The following GRIP1 variants were observed in gnomAD, a reference collection of about 807,000 sequenced individuals.
GRIP1 encodes glutamate receptor interacting protein 1, also known as glutamate receptor-interacting protein 1.
GRIP1 carries 45 observed loss-of-function variants against 129.9 expected under a neutral mutation model. The observed-to-expected ratio is 0.35, with a 90% confidence interval of 0.27 to 0.44. The LOEUF (loss-of-function observed/expected upper bound fraction) is 0.44, where lower values mean the gene tolerates loss of function less well. Ranked by LOEUF, GRIP1 falls within the 20% of genes least tolerant of loss-of-function variation. GRIP1 has a pLI of 1.00. For synonymous variants in GRIP1, 530 were observed against 520.8 expected (o/e 1.02, Z -0.24); for missense variants, 1,196 against 1,396.8 (o/e 0.86, Z 2.29).
At chr12:66,946,197 TC>T (rs1362381011) in intron 1 of GRIP1, among the ~76,000 whole-genome samples, 3 of 152,210 alleles carry the variant, frequency 2.0e-5, no homozygotes, top group African/African-American at 7.2e-5. Flanking sequence ...TGCTTGCTCT[TC>T]TTTCCCCACT....
chr12:66,877,419 G>A (rs1011125604), intron 1 of GRIP1, among the ~76,000 whole-genome samples: 1 of 151,966 alleles, frequency 6.6e-6, no homozygotes, highest in Non-Finnish European at 1.5e-5. Context: ...ATTTTTGTCA[G>A]GAAAGGGTGT....
chr12:66,517,838 A>G (rs951383667), intron 6 of GRIP1, 63 bp downstream of exon 6: 2 of 863,006 alleles, frequency 2.3e-6, no homozygotes, highest in African/African-American at 1.6e-5. Context: ...ATCAACTTCT[A>G]TGTTAAAGTC....
intron 1 of GRIP1, among the ~76,000 whole-genome samples, chr12:66,668,568 C>T (rs1176259668): frequency 2.0e-5 from 3 of 152,128 alleles, no homozygotes; most frequent in Admixed American, 1.3e-4. Flanking sequence ...AGGTATGGAA[C>T]ACCCCTCTAG....
At chr12:66,771,663 A>G (rs747103565) in intron 1 of GRIP1, among the ~76,000 whole-genome samples, 2 of 152,224 alleles carry the variant, frequency 1.3e-5, no homozygotes, top group Non-Finnish European at 2.9e-5. Context: ...AGTTACACAA[A>G]TGACCTGGCT....
At chr12:66,973,371 TTTCA>T (rs1206425929) in intron 1 of GRIP1, among the ~76,000 whole-genome samples, 2 of 126,864 alleles carry the variant, frequency 1.6e-5, no homozygotes, top group Non-Finnish European at 3.3e-5. Flanking sequence ...TTTTTTCCTT[TTTCA>T]TTCTTTTTTT....
At chr12:66,724,170 T>C (rs1044520491) in intron 1 of GRIP1, among the ~76,000 whole-genome samples, 6 of 152,230 alleles carry the variant, frequency 3.9e-5, no homozygotes, top group Non-Finnish European at 8.8e-5. Flanking sequence ...GGAAAGCCTG[T>C]TCTGGTATCC....
Position 66,539,197 on chromosome 12 carries a change from T to C in GRIP1, c.299A>G (p.Tyr100Cys), listed in dbSNP as rs1182966755. ...ARSDQLDVGDYIKAVNGINLA... is the reference protein window; with the variant it reads ...ARSDQLDVGDCIKAVNGINLA... ...GTTGATTCCATTCACTGCTTTGATGTAGTCACCCACATCCAGCTGGTCACT... is the reference window on the plus strand; with the variant it reads ...GTTGATTCCATTCACTGCTTTGATGCAGTCACCCACATCCAGCTGGTCACT... Residue 100 changes from tyrosine (Y) to cysteine (C), a missense_variant, in exon 4 of 25, where the codon TAC becomes TGC. Physicochemically the swap from Tyr to Cys is radical, Grantham distance 194. Around this residue, in one of 5 missense-constraint regions of GRIP1, gnomAD observed 217 missense variants for 224.8 expected, o/e 0.97. Transcript: ENST00000359742. The C allele has an allele frequency of 2.5e-6, 4 of 1,614,000 alleles. No homozygotes were observed. Among genetic ancestry groups the C allele is most frequent in the Non-Finnish European group, 3.4e-6 (4 of 1,179,868 alleles).
chr12:66,645,984 C>T (rs2032333272), intron 1 of GRIP1, among the ~76,000 whole-genome samples: 3 of 152,132 alleles, frequency 2.0e-5, no homozygotes, highest in Non-Finnish European at 4.4e-5. Context: ...AAAGGATATG[C>T]TGTTCAGTAT....
intron 1 of GRIP1, among the ~76,000 whole-genome samples, chr12:66,954,975 G>A (rs1266117794): frequency 1.3e-5 from 2 of 152,146 alleles, no homozygotes; most frequent in African/African-American, 2.4e-5. Flanking sequence ...TTGATAAAGT[G>A]CCACTTGAGC....
intron 1 of GRIP1, among the ~76,000 whole-genome samples, chr12:66,637,245 A>G (rs2031482725): frequency 6.6e-6 from 1 of 152,104 alleles, no homozygotes. Flanking sequence ...AAAAAGATAA[A>G]TAAGTTTAAA....
intron 1 of GRIP1, among the ~76,000 whole-genome samples, chr12:66,636,439 T>C (rs1343962056): frequency 6.6e-6 from 1 of 152,202 alleles, no homozygotes; most frequent in Non-Finnish European, 1.5e-5. Flanking sequence ...ACAACCACAA[T>C]GAGATATCAT....
intron 1 of GRIP1, among the ~76,000 whole-genome samples, chr12:66,714,883 C>A (rs999741304): frequency 8.8e-6 from 1 of 113,476 alleles, no homozygotes; most frequent in Non-Finnish European, 1.8e-5. Context: ...TCCATTCAAT[C>A]CACCCATCCA....
intron 1 of GRIP1, among the ~76,000 whole-genome samples, chr12:66,780,795 G>A (rs368634009): frequency 2.6e-5 from 4 of 152,082 alleles, no homozygotes; most frequent in East Asian, 1.9e-4. Flanking sequence ...TTGCCCTCTT[G>A]GAATACTCTA....
intron 1 of GRIP1, among the ~76,000 whole-genome samples, chr12:67,023,304 A>G (rs973628843): frequency 1.3e-5 from 2 of 152,228 alleles, no homozygotes; most frequent in African/African-American, 4.8e-5. Flanking sequence ...TTAACTTTTT[A>G]ATAAGATATA....
chr12:66,659,397 G>A (rs2033362862), intron 1 of GRIP1, among the ~76,000 whole-genome samples: 1 of 152,180 alleles, frequency 6.6e-6, no homozygotes, highest in South Asian at 2.1e-4. Flanking sequence ...TCACACGTAG[G>A]TGCTCAATAA....
intron 1 of GRIP1, among the ~76,000 whole-genome samples, chr12:66,639,695 T>C (rs1220361571): frequency 1.3e-5 from 2 of 152,214 alleles, no homozygotes; most frequent in Admixed American, 1.3e-4. Context: ...AATTTTTGAA[T>C]CTTCTAGTTA....
intron 1 of GRIP1, among the ~76,000 whole-genome samples, chr12:66,894,954 T>C (rs1286766225): frequency 6.6e-6 from 1 of 152,188 alleles, no homozygotes; most frequent in African/African-American, 2.4e-5. Flanking sequence ...GTGGTTGCCA[T>C]GCTGCTGTGA....
At chr12:66,439,847 A>G (rs375920051) in intron 13 of GRIP1, among the ~76,000 whole-genome samples, 3 of 152,248 alleles carry the variant, frequency 2.0e-5, no homozygotes, top group South Asian at 2.1e-4. Context: ...CTCTGGCTCA[A>G]TCTAATCCTT....
chr12:67,001,617 G>C (rs1483390352), intron 1 of GRIP1, among the ~76,000 whole-genome samples: 1 of 152,096 alleles, frequency 6.6e-6, no homozygotes, highest in Non-Finnish European at 1.5e-5. Context: ...TGAGTAGGAA[G>C]ACCCAGCAAC....
Sources: gnomAD v4.1 joint callset for allele counts (sites outside exome capture counted in the v4.1 genomes callset) on GRCh38, gnomAD v4.1.1 for gene constraint, gnomAD v4.1.1 regional missense constraint, MANE v1.5 for transcripts, NCBI Gene and HGNC (gene_info 2026-07-23, HGNC 2026-07-21) for gene names.